The following GABRG1 variants were observed in gnomAD, a reference collection of about 807,000 sequenced individuals.
GABRG1 encodes the protein gamma-aminobutyric acid type A receptor subunit gamma1.
In GABRG1, 49 loss-of-function variants were observed where a neutral mutation model predicts 49.8. The ratio of observed to expected loss-of-function variants is 0.98; its 90% confidence interval spans 0.78 to 1.25. The LOEUF is 1.25. Among genes scored for constraint, GABRG1 ranks in the 50% most tolerant of loss-of-function variants. The pLI is 0.00. For synonymous variants in GABRG1, 232 were observed against 185.1 expected (o/e 1.25, Z -2.06); for missense variants, 552 against 552.3 (o/e 1.00, Z 0.01).
At chr4:46,064,583 T>G in intron 4 of GABRG1, 60 bp from the exon 5 acceptor site, 1 of 825,052 alleles carries the variant, frequency 1.2e-6, no homozygotes, top group East Asian at 3.0e-5. Flanking sequence ...ATTAAAAATC[T>G]CCTGTCTCAT....
In GABRG1 at chr4:46,051,407, T is replaced by A; in HGVS notation, c.1131+17A>T. ...AAGTTGAGGTTTATAAAATAGAAAT[T>A]TTTCTTTTTAACATACCGAGGCTTT... is the stretch of plus-strand genomic sequence containing the variant. On this transcript the variant is annotated intron_variant, in intron 8 of 8. Coordinates refer to ENST00000295452, the MANE Select transcript of GABRG1 (RefSeq NM_173536.4). The A allele has an allele frequency of 6.5e-7, 1 of 1,549,686 alleles. No individual in the cohort carries two copies. The highest frequency in any genetic ancestry group is 8.7e-7 in the Non-Finnish European group (1 of 1,144,556).
intron 3 of GABRG1, among the ~76,000 whole-genome samples, chr4:46,075,447 C>T (rs375727441): frequency 1.3e-5 from 2 of 151,982 alleles, no homozygotes; most frequent in African/African-American, 2.4e-5. Context: ...CCTCCCGCCT[C>T]GGCCTCCTGA....
At chr4:46,099,880 C>CACTGCT (rs1201408105) in intron 1 of GABRG1, among the ~76,000 whole-genome samples, 2 of 151,638 alleles carry the variant, frequency 1.3e-5, no homozygotes, top group East Asian at 3.9e-4. Context: ...ACCAATGTAA[C>CACTGCT]ACTGCTACTC....
At chr4:46,099,530 T>C (rs1466767595) in intron 1 of GABRG1, among the ~76,000 whole-genome samples, 1 of 151,720 alleles carries the variant, frequency 6.6e-6, no homozygotes, top group African/African-American at 2.4e-5. Flanking sequence ...GCAGATTGCC[T>C]CAGGATGGTC....
intron 1 of GABRG1, among the ~76,000 whole-genome samples, chr4:46,099,311 A>G (rs1474868941): frequency 2.6e-5 from 4 of 151,620 alleles, no homozygotes; most frequent in African/African-American, 9.7e-5. Context: ...AGTGAAGTTT[A>G]TTACATCTCT....
intron 1 of GABRG1, among the ~76,000 whole-genome samples, chr4:46,111,640 C>G (rs1312888646): frequency 1.3e-5 from 2 of 151,294 alleles, no homozygotes; most frequent in African/African-American, 4.8e-5. Context: ...GGTACAAAAA[C>G]AGACACATAG....
chr4:46,043,623 A>C (rs992748130), intron 8 of GABRG1, among the ~76,000 whole-genome samples: 1 of 152,050 alleles, frequency 6.6e-6, no homozygotes, highest in African/African-American at 2.4e-5. Flanking sequence ...TTAGTTTCTC[A>C]AGAATAGACC....
chr4:46,073,925 A>G (rs565239276), intron 3 of GABRG1, among the ~76,000 whole-genome samples: 4 of 152,250 alleles, frequency 2.6e-5, no homozygotes, highest in Admixed American at 1.3e-4. Flanking sequence ...ACCATGGGTA[A>G]CTGAAACCAC....
At chr4:46,118,783 T>C (rs542759839) in intron 1 of GABRG1, among the ~76,000 whole-genome samples, 3 of 150,532 alleles carry the variant, frequency 2.0e-5, no homozygotes, top group Non-Finnish European at 4.5e-5. Flanking sequence ...TTAGTACTGA[T>C]AGACTTAATG....
chr4:46,069,492 AC>A (rs1430678215), intron 3 of GABRG1, among the ~76,000 whole-genome samples: 11 of 152,128 alleles, frequency 7.2e-5, no homozygotes, highest in African/African-American at 1.2e-4. Context: ...TAAATACAAA[AC>A]TTGGTGTTAT....
At position 46,068,102 on chromosome 4, in the gene GABRG1, T is replaced by A. The variant is rs192492337; in HGVS notation, c.322-2518A>T. 2.6e-5 allele frequency among the ~76,000 whole-genome samples: 4 copies of A among 152,212 alleles called. No individual in the cohort carries two copies. In the East Asian group the frequency reaches 5.8e-4, roughly 22 times the overall value. On this transcript the variant is annotated intron_variant, in intron 3 of 8. Transcript: ENST00000295452. ...AACCATGTAACCTACGCTAATGACA[T>A]GATGTCTAATTTTAATGGCAAATAC...
intron 7 of GABRG1, among the ~76,000 whole-genome samples, chr4:46,056,945 A>T (rs758565776): frequency 1.4e-4 from 21 of 152,094 alleles, no homozygotes; most frequent in Non-Finnish European, 2.4e-4. Context: ...TCTTCATGAC[A>T]CTCTAGCATA....
intron 2 of GABRG1, among the ~76,000 whole-genome samples, chr4:46,092,913 T>C (rs1720038416): frequency 6.6e-6 from 1 of 151,400 alleles, no homozygotes; most frequent in African/African-American, 2.4e-5. Context: ...CTACTAAAAA[T>C]ACAAAATTAG....
At chr4:46,080,312 C>T (rs1191234074) in intron 3 of GABRG1, among the ~76,000 whole-genome samples, 1 of 151,816 alleles carries the variant, frequency 6.6e-6, no homozygotes, top group African/African-American at 2.4e-5. Flanking sequence ...ATTACACTCA[C>T]ATTCAAAGCA....
At chr4:46,050,323 T>C (rs1381153059) in intron 8 of GABRG1, among the ~76,000 whole-genome samples, 1 of 151,826 alleles carries the variant, frequency 6.6e-6, no homozygotes. Context: ...ATACACCAGG[T>C]TTTTCTCTTG....
chr4:46,090,404 T>C (rs568202748), intron 2 of GABRG1, among the ~76,000 whole-genome samples: 12 of 152,142 alleles, frequency 7.9e-5, no homozygotes, highest in East Asian at 3.9e-4. Flanking sequence ...AAAAAGACTA[T>C]ATACAATGGA....
chr4:46,091,226 T>G (rs778231491), intron 2 of GABRG1, among the ~76,000 whole-genome samples: 17 of 151,914 alleles, frequency 1.1e-4, no homozygotes, highest in Non-Finnish European at 1.5e-4. Context: ...TTAGGCAAAA[T>G]AAAAGCTTTA....
In GABRG1 at chr4:46,118,879, G is replaced by A. The variant is rs889347907; in HGVS notation, c.104+4931C>T. Among the ~76,000 whole-genome samples, 14 of 151,228 alleles carry A rather than the reference G, an allele frequency of 9.3e-5. No homozygotes were observed. In the East Asian group the frequency reaches 2.7e-3, roughly 29 times the overall value. ...CACTAACAAGTTTCTGCTTAAACAT[G>A]TCTAGTGATAAGCTATCCATTACCA... On this transcript the variant is annotated intron_variant, in intron 1 of 8. Coordinates refer to ENST00000295452, the MANE Select transcript of GABRG1 (RefSeq NM_173536.4).
In GABRG1 at chr4:46,119,351, T is replaced by C. The variant is rs535898544; in HGVS notation, c.104+4459A>G. ...TTCATTGTTTTGACTTATATTGCAT[T>C]CATAATCTGAGAGATGTGGTAGTTA... On this transcript the variant is annotated intron_variant, in intron 1 of 8. Coordinates refer to ENST00000295452, the MANE Select transcript of GABRG1 (RefSeq NM_173536.4). Among the ~76,000 whole-genome samples the C allele has an allele frequency of 2.6e-5, 4 of 151,552 alleles. No homozygotes were observed. In the East Asian group the frequency reaches 7.8e-4, roughly 29 times the overall value.
Sources: allele counts gnomAD v4.1 joint callset (sites outside exome capture counted in the v4.1 genomes callset), GRCh38; gene constraint gnomAD v4.1.1; transcripts MANE v1.5; gene names NCBI Gene and HGNC (gene_info 2026-07-23, HGNC 2026-07-21).